FHOD3: variants seen among roughly 807,000 people sequenced by gnomAD.
FHOD3 encodes formin homology 2 domain containing 3, also known as FH1/FH2 domain-containing protein 3.
In FHOD3, 90 loss-of-function variants were observed where a neutral mutation model predicts 173.0. That is an observed-to-expected ratio of 0.52 (90% CI 0.44 to 0.62). The LOEUF (loss-of-function observed/expected upper bound fraction) is 0.62. Among genes scored for constraint, FHOD3 ranks in the 20% least tolerant of loss-of-function variants. FHOD3 has a pLI of 0.00. For missense variants in FHOD3, 1,945 were observed against 2,034.7 expected (o/e 0.96, Z 0.85); for synonymous variants, 828 against 823.0 (o/e 1.01, Z -0.10).
intron 14 of FHOD3, among the ~76,000 whole-genome samples, chr18:36,675,697 G>A (rs1292296944): frequency 1.3e-5 from 2 of 152,170 alleles, no homozygotes; most frequent in East Asian, 1.9e-4. Context: ...GGGTCTGGGA[G>A]CACGGAGACT....
intron 3 of FHOD3, among the ~76,000 whole-genome samples, chr18:36,403,264 G>A (rs2048910719): frequency 6.6e-6 from 1 of 152,162 alleles, no homozygotes; most frequent in African/African-American, 2.4e-5. Context: ...CCCACCTTTT[G>A]GAATGGTACT....
intron 9 of FHOD3, among the ~76,000 whole-genome samples, chr18:36,619,691 A>G (rs1245224494): frequency 2.0e-5 from 3 of 152,258 alleles, no homozygotes; most frequent in Non-Finnish European, 4.4e-5. Flanking sequence ...GACCCAGCAC[A>G]TCAGGCAAGA....
At chr18:36,714,415 G>A (rs1360960570) in intron 18 of FHOD3, among the ~76,000 whole-genome samples, 2 of 152,128 alleles carry the variant, frequency 1.3e-5, no homozygotes, top group Admixed American at 1.3e-4. Context: ...GCTCGCGCCT[G>A]TAGTCACAGC....
intron 1 of FHOD3, among the ~76,000 whole-genome samples, chr18:36,346,117 G>A (rs2045868578): frequency 6.6e-6 from 1 of 152,214 alleles, no homozygotes; most frequent in South Asian, 2.1e-4. Flanking sequence ...TGTAATCCCA[G>A]CACTTTGGGA....
intron 13 of FHOD3, among the ~76,000 whole-genome samples, chr18:36,655,691 G>A (rs1432628099): frequency 6.6e-6 from 1 of 152,038 alleles, no homozygotes; most frequent in Non-Finnish European, 1.5e-5. Flanking sequence ...GACTGCGATT[G>A]AATGGGTTAT....
chr18:36,670,483 C>T (rs1885537597), intron 14 of FHOD3, among the ~76,000 whole-genome samples: 1 of 151,862 alleles, frequency 6.6e-6, no homozygotes, highest in Non-Finnish European at 1.5e-5. Context: ...TCTTCAAGTT[C>T]GCTAATTATT....
chr18:36,681,038 T>G (rs1482395172), intron 14 of FHOD3, among the ~76,000 whole-genome samples: 3 of 152,212 alleles, frequency 2.0e-5, no homozygotes, highest in Non-Finnish European at 4.4e-5. Flanking sequence ...ATGTATTACC[T>G]GATAGATAGG....
chr18:36,653,414 T>G lies in FHOD3; in HGVS notation c.1719T>G (p.Asn573Lys), dbSNP rs113212822. 3 of 1,526,860 alleles carry G rather than the reference T, an allele frequency of 2.0e-6. No individual in the cohort carries two copies. Among genetic ancestry groups the G allele is most frequent in the African/African-American group, 1.4e-5 (1 of 72,856 alleles). 94.6% of individuals were successfully genotyped at this position (1,526,860 alleles called of 1,614,324 possible). A position where few individuals can be genotyped will look rare whatever the true frequency, so the allele number is the denominator to read the frequency against. ...EPYHFRSFSS[N>K]RYSNFGNNSY... ...ACCACTTCCGATCTTTCTCTTCTAA[T>G]AGGTGGGTGTCTTTATTTTCTTTCC... The change falls in exon 13 of 29, where the codon AAT (asparagine) becomes AAG (lysine). Residue 573 changes from asparagine to lysine, a missense_variant and splice_region_variant. Physicochemically the swap from Asn to Lys is moderately conservative, Grantham distance 94 (BLOSUM62 0). Coordinates refer to ENST00000590592, the MANE Select transcript of FHOD3 (RefSeq NM_001281740.3).
intron 5 of FHOD3, among the ~76,000 whole-genome samples, chr18:36,528,691 A>G (rs1432705734): frequency 2.0e-4 from 30 of 152,354 alleles, no homozygotes; most frequent in Non-Finnish European, 5.9e-5. Flanking sequence ...CCAGCGCCAC[A>G]CGCACAGCAA....
At chr18:36,548,077 A>G (rs2057486970) in intron 5 of FHOD3, among the ~76,000 whole-genome samples, 1 of 152,136 alleles carries the variant, frequency 6.6e-6, no homozygotes, top group African/African-American at 2.4e-5. Context: ...CTGTTATCTC[A>G]GTTACTTGGG....
At chr18:36,530,742 T>C (rs536649390) in intron 5 of FHOD3, among the ~76,000 whole-genome samples, 10 of 152,370 alleles carry the variant, frequency 6.6e-5, no homozygotes, top group Admixed American at 5.2e-4. Flanking sequence ...GTAGAATTGC[T>C]GGTCAAGGGG....
chr18:36,628,299 G>T (rs937837906), intron 10 of FHOD3, among the ~76,000 whole-genome samples: 1 of 152,106 alleles, frequency 6.6e-6, no homozygotes, highest in African/African-American at 2.4e-5. Flanking sequence ...CTGGGCCCTT[G>T]GCTCTTAATA....
chr18:36,461,878 T>C (rs568401854), intron 3 of FHOD3, among the ~76,000 whole-genome samples: 28 of 152,274 alleles, frequency 1.8e-4, no homozygotes, highest in African/African-American at 6.0e-4. Flanking sequence ...GCCTTAGTCA[T>C]AGACCTGTCA....
Position 36,562,377 on chromosome 18 carries a change from G to T in FHOD3, c.512-14074G>T, listed in dbSNP as rs540974847. 1.1e-4 allele frequency among the ~76,000 whole-genome samples: 17 copies of T among 152,264 alleles called. No individual in the cohort carries two copies. In the East Asian group the frequency reaches 2.7e-3, roughly 24 times the overall value. ...CCCATTATAGAGGTCTATAATAAAG[G>T]AATTAAAGTCCTCTGAGAAGAAAGT... On this transcript the variant is annotated intron_variant, in intron 5 of 28. Transcript: ENST00000590592.
intron 3 of FHOD3, among the ~76,000 whole-genome samples, chr18:36,482,749 A>C (rs899487718): frequency 6.6e-6 from 1 of 151,820 alleles, no homozygotes; most frequent in Admixed American, 6.6e-5. Context: ...TTTCTTTCAC[A>C]CTTCATGGAG....
At chr18:36,757,626 T>C (rs1216220174) in intron 25 of FHOD3, among the ~76,000 whole-genome samples, 1 of 152,190 alleles carries the variant, frequency 6.6e-6, no homozygotes, top group Admixed American at 6.5e-5. Context: ...AAAATGAGGA[T>C]GCAAGTGGTA....
rs557683058 is a variant in FHOD3 at position 36,549,682 on chromosome 18, C to T, written c.512-26769C>T. On this transcript the variant is annotated intron_variant, in intron 5 of 28. Coordinates refer to ENST00000590592, the MANE Select transcript of FHOD3 (RefSeq NM_001281740.3). ...CCTCCCAAGGAGCTGGGACTACAGG[C>T]GCCCTCCACCATGCCTGGCTAATTT... Among the ~76,000 whole-genome samples, 47 of 150,338 alleles carry T rather than the reference C, an allele frequency of 3.1e-4. 1 individual carries two copies. Among genetic ancestry groups the T allele is most frequent in the Middle Eastern group, 3.4e-3 (1 of 292 alleles).
chr18:36,427,711 C>G (rs2050324484), intron 3 of FHOD3, among the ~76,000 whole-genome samples: 1 of 152,116 alleles, frequency 6.6e-6, no homozygotes, highest in Non-Finnish European at 1.5e-5. Flanking sequence ...CATGTCTGCA[C>G]TCCTGGTGCC....
chr18:36,760,537 C>G, intron 26 of FHOD3, 71 bp from the exon 27 acceptor site: 2 of 1,389,672 alleles, frequency 1.4e-6, no homozygotes, highest in Non-Finnish European at 1.9e-6. Context: ...TCCTCAACCA[C>G]GGGTTTTAGA....
Sources: gnomAD v4.1 joint callset for allele counts (sites outside exome capture counted in the v4.1 genomes callset) on GRCh38, gnomAD v4.1.1 for gene constraint, MANE v1.5 for transcripts, NCBI Gene and HGNC (gene_info 2026-07-23, HGNC 2026-07-21) for gene names.